The following KSR2 variants were observed in gnomAD, a reference collection of about 807,000 sequenced individuals.
KSR2 encodes the protein kinase suppressor of ras 2.
Under a neutral mutation model 107.8 loss-of-function variants are expected in KSR2, and 25 were observed. The ratio of observed to expected loss-of-function variants is 0.23; its 90% CI spans 0.17 to 0.32. KSR2 has a LOEUF of 0.32. Ranked by LOEUF, KSR2 falls within the 10% of genes least tolerant of loss-of-function variation. The pLI is 1.00. For missense variants in KSR2, 887 were observed against 1,268.9 expected (o/e 0.70, Z 4.57); for synonymous variants, 480 against 507.0 (o/e 0.95, Z 0.71).
chr12:117,723,307 G>A (rs1268988130), intron 4 of KSR2, among the ~76,000 whole-genome samples: 1 of 152,050 alleles, frequency 6.6e-6, no homozygotes, highest in Non-Finnish European at 1.5e-5. Context: ...AAAGTAAACT[G>A]CTTTCTTCAT....
At chr12:117,624,915 T>C (rs1053008545) in intron 5 of KSR2, among the ~76,000 whole-genome samples, 1 of 152,338 alleles carries the variant, frequency 6.6e-6, no homozygotes. Context: ...GAAGAGGTCC[T>C]TCACATCCGT....
chr12:117,761,702 T>C (rs1450364871), intron 3 of KSR2, among the ~76,000 whole-genome samples, 178 bp from the exon 4 acceptor site: 1 of 152,174 alleles, frequency 6.6e-6, no homozygotes, highest in East Asian at 1.9e-4. Flanking sequence ...AATTATATCT[T>C]ATGCACATTA....
At chr12:117,567,043 G>A (rs1207804587) in intron 7 of KSR2, among the ~76,000 whole-genome samples, 3 of 152,226 alleles carry the variant, frequency 2.0e-5, no homozygotes, top group African/African-American at 7.2e-5. Flanking sequence ...CTGTGCTGGC[G>A]CTAGAGGTTT....
chr12:117,876,258 T>C (rs994796133), intron 1 of KSR2, among the ~76,000 whole-genome samples: 1 of 152,204 alleles, frequency 6.6e-6, no homozygotes, highest in Non-Finnish European at 1.5e-5. Context: ...CTGGAGAACG[T>C]CTCAAGTAAC....
chr12:117,722,531 G>A (rs1301912596), intron 4 of KSR2, among the ~76,000 whole-genome samples: 1 of 152,286 alleles, frequency 6.6e-6, no homozygotes, highest in Non-Finnish European at 1.5e-5. Context: ...ACCTCTAGTC[G>A]TCCTCACTGC....
intron 5 of KSR2, among the ~76,000 whole-genome samples, chr12:117,658,229 G>A (rs960503125): frequency 2.0e-5 from 3 of 152,224 alleles, no homozygotes; most frequent in Non-Finnish European, 2.9e-5. Flanking sequence ...GGGAGACTGT[G>A]GTAGAATCTT....
chr12:117,960,946 C>T (rs59360632), intron 1 of KSR2, among the ~76,000 whole-genome samples: 111 of 152,024 alleles, frequency 7.3e-4, no homozygotes, highest in African/African-American at 2.6e-3. Flanking sequence ...ACTATAGGCA[C>T]GTGCCACCAC....
chr12:117,494,814 G>A (rs999872550), intron 14 of KSR2, among the ~76,000 whole-genome samples: 10 of 152,172 alleles, frequency 6.6e-5, no homozygotes, highest in Non-Finnish European at 1.3e-4. Flanking sequence ...AGCCACTCTG[G>A]GGAGGTAATC....
intron 1 of KSR2, among the ~76,000 whole-genome samples, chr12:117,941,368 T>C (rs1050496377): frequency 2.7e-5 from 4 of 147,872 alleles, no homozygotes; most frequent in African/African-American, 5.0e-5. Flanking sequence ...CTGATGCCAT[T>C]TGGGGAAAAA....
At chr12:117,470,138 C>A (rs542103997) in intron 18 of KSR2, among the ~76,000 whole-genome samples, 20 of 151,980 alleles carry the variant, frequency 1.3e-4, no homozygotes, top group African/African-American at 4.6e-4. Context: ...ATCATGCATG[C>A]ATCTATATAT....
At chr12:117,717,766 C>T (rs1887055584) in intron 4 of KSR2, among the ~76,000 whole-genome samples, 1 of 151,770 alleles carries the variant, frequency 6.6e-6, no homozygotes, top group Admixed American at 6.6e-5. Context: ...TACTCCATCC[C>T]TCTGGACACA....
chr12:117,469,616 G>A lies in KSR2; in HGVS notation c.2846+46C>T, dbSNP rs1170700522. ...GAGGGGATCAAAAAGGTGACAAAGG[G>A]CAGAGGACAAGGCAGTGGGGAGAGA... On this transcript the variant is annotated intron_variant, in intron 19 of 19. Coordinates refer to ENST00000339824, the MANE Select transcript of KSR2 (RefSeq NM_173598.6). 2.5e-6 allele frequency: 4 copies of A among 1,597,652 alleles called. No homozygotes were observed. The Admixed American group carries it at 5.2e-5, about 21-fold the overall frequency.
At chr12:117,865,548 G>C (rs1414567239) in intron 1 of KSR2, among the ~76,000 whole-genome samples, 3 of 151,882 alleles carry the variant, frequency 2.0e-5, no homozygotes, top group African/African-American at 7.3e-5. Flanking sequence ...TCTGAGACAG[G>C]GTCTCACCAT....
At chr12:117,553,996 G>T (rs1193564949) in intron 9 of KSR2, among the ~76,000 whole-genome samples, 1 of 152,194 alleles carries the variant, frequency 6.6e-6, no homozygotes, top group East Asian at 1.9e-4. Flanking sequence ...ACGGCCTGCA[G>T]AACTGAGAGC....
chr12:117,761,764 C>A (rs1049664390), intron 3 of KSR2, among the ~76,000 whole-genome samples: 2 of 152,130 alleles, frequency 1.3e-5, no homozygotes. Context: ...CCTGTTACAT[C>A]GTATGCATGT....
chr12:117,559,651 G>A (rs1306491756), intron 7 of KSR2, among the ~76,000 whole-genome samples: 3 of 152,174 alleles, frequency 2.0e-5, no homozygotes, highest in African/African-American at 4.8e-5. Flanking sequence ...TTAAGTTTTA[G>A]AGGCATACAG....
intron 3 of KSR2, among the ~76,000 whole-genome samples, chr12:117,799,338 C>A (rs1387097784): frequency 6.6e-6 from 1 of 151,930 alleles, no homozygotes; most frequent in Non-Finnish European, 1.5e-5. Flanking sequence ...CCCGTCTCTA[C>A]TAAAAACACA....
chr12:117,861,378 C>CTTTTTTTTTTTTTTTTTT (rs5801257), intron 1 of KSR2, among the ~76,000 whole-genome samples: 4 of 81,672 alleles, frequency 4.9e-5, no homozygotes, highest in Non-Finnish European at 4.4e-5. Flanking sequence ...TCCCAATTCG[C>CTTTTTTTTTTTTTTTTTT]TTTTTTTTTT....
intron 12 of KSR2, among the ~76,000 whole-genome samples, chr12:117,528,907 T>G (rs1565885708): frequency 6.6e-6 from 1 of 152,260 alleles, no homozygotes; most frequent in Non-Finnish European, 1.5e-5. Context: ...CGCTGGTACC[T>G]CTGGACTGTC....
Sources: gnomAD v4.1 joint callset for allele counts (sites outside exome capture counted in the v4.1 genomes callset) on GRCh38, gnomAD v4.1.1 for gene constraint, MANE v1.5 for transcripts, NCBI Gene and HGNC (gene_info 2026-07-23, HGNC 2026-07-21) for gene names.